Variants in TDRD10 observed in about 807,000 individuals in gnomAD.
The protein encoded by TDRD10 is tudor domain containing 10, also known as tudor domain-containing protein 10.
TDRD10 carries 40 observed loss-of-function variants against 48.0 expected under a neutral mutation model. That is an observed-to-expected ratio of 0.83 (90% CI 0.65 to 1.09). TDRD10 has a LOEUF of 1.09. Ranked by LOEUF, TDRD10 falls within the 50% of genes least tolerant of loss-of-function variation. The probability of loss-of-function intolerance (pLI) is 0.00; values close to 1 mark genes in which losing one functional copy is unlikely to be tolerated. For missense variants in TDRD10, 378 were observed against 434.7 expected, an observed-to-expected ratio of 0.87 and a Z score of 1.16; for synonymous variants, 162 against 170.4, an observed-to-expected ratio of 0.95 and a Z score of 0.38.
At chr1:154,522,917 T>G (rs1193792424) in intron 6 of TDRD10, among the ~76,000 whole-genome samples, 2 of 152,152 alleles carry the variant, frequency 1.3e-5, no homozygotes, top group Non-Finnish European at 1.5e-5. Flanking sequence ...TCCTGGACCA[T>G]TGTATCTTTT....
intron 6 of TDRD10, among the ~76,000 whole-genome samples, chr1:154,538,596 G>A (rs1373587401): frequency 1.4e-5 from 2 of 144,900 alleles, no homozygotes; most frequent in African/African-American, 2.5e-5. Context: ...GCTCATGCCT[G>A]TAATCCCAGC....
At chr1:154,533,971 C>G (rs1201345326) in intron 6 of TDRD10, among the ~76,000 whole-genome samples, 1 of 151,658 alleles carries the variant, frequency 6.6e-6, no homozygotes, top group African/African-American at 2.4e-5. Flanking sequence ...TCCTGGCAAG[C>G]AATCCTCGTG....
intron 6 of TDRD10, among the ~76,000 whole-genome samples, chr1:154,536,144 G>A (rs143949584): frequency 0.013 from 1,914 of 152,286 alleles, 39 homozygotes; most frequent in African/African-American, 0.044. Context: ...TTGGGAGGCC[G>A]AGGTGGGTGG....
At chr1:154,545,924 C>G (rs1695534502) in intron 11 of TDRD10, among the ~76,000 whole-genome samples, 1 of 134,768 alleles carries the variant, frequency 7.4e-6, no homozygotes, top group Non-Finnish European at 1.6e-5. Context: ...CCACACCCAG[C>G]TAATTTTTTT....
intron 6 of TDRD10, among the ~76,000 whole-genome samples, chr1:154,526,892 A>AT (rs61313171): frequency 2.7e-5 from 4 of 150,332 alleles, no homozygotes; most frequent in South Asian, 2.1e-4. Flanking sequence ...CCTGGCCTGA[A>AT]TTTTTTTTTT....
chr1:154,515,621 C>A (rs1303531586), intron 4 of TDRD10, among the ~76,000 whole-genome samples: 1 of 152,228 alleles, frequency 6.6e-6, no homozygotes, highest in Non-Finnish European at 1.5e-5. Context: ...CCCGGCTCTT[C>A]TCCCTCAGTT....
At chr1:154,542,871 C>T in intron 8 of TDRD10, 50 bp downstream of exon 8, 1 of 1,476,180 alleles carries the variant, frequency 6.8e-7, no homozygotes, top group African/African-American at 1.4e-5. Flanking sequence ...TTACAGACAT[C>T]CTCTGTCCCC....
intron 11 of TDRD10, among the ~76,000 whole-genome samples, chr1:154,546,016 G>T (rs1204370815): frequency 1.5e-5 from 2 of 129,228 alleles, no homozygotes; most frequent in East Asian, 4.9e-4. Context: ...CTCGTGATCC[G>T]CCCACCTCGG....
chr1:154,526,995 C>A (rs540951461), intron 6 of TDRD10, among the ~76,000 whole-genome samples: 1 of 152,022 alleles, frequency 6.6e-6, no homozygotes, highest in Non-Finnish European at 1.5e-5. Context: ...CTGCAACCTC[C>A]GCCTTCTGGG....
chr1:154,542,241 T>C (rs115549993), intron 7 of TDRD10, among the ~76,000 whole-genome samples, 175 bp downstream of exon 7: 2,387 of 152,234 alleles, frequency 0.016, 55 homozygotes, highest in African/African-American at 0.054. Flanking sequence ...TTTCATTTTT[T>C]CTTTGAGACA....
intron 6 of TDRD10, among the ~76,000 whole-genome samples, chr1:154,524,642 C>A (rs929924211): frequency 6.6e-6 from 1 of 152,070 alleles, no homozygotes; most frequent in African/African-American, 2.4e-5. Flanking sequence ...TTGGAATGTT[C>A]CATTGTGAGT....
chr1:154,523,011 G>T (rs750888565), intron 6 of TDRD10, among the ~76,000 whole-genome samples: 2 of 152,078 alleles, frequency 1.3e-5, no homozygotes, highest in African/African-American at 2.4e-5. Flanking sequence ...TGCCTCCTGG[G>T]TTCAAGGGAT....
chr1:154,516,912 A>C (rs568541507), intron 4 of TDRD10, among the ~76,000 whole-genome samples: 2 of 152,222 alleles, frequency 1.3e-5, no homozygotes, highest in East Asian at 1.9e-4. Context: ...ATGCCACTGC[A>C]CTCCAGCCTG....
intron 11 of TDRD10, among the ~76,000 whole-genome samples, chr1:154,546,464 A>T (rs896609520): frequency 6.9e-6 from 1 of 144,684 alleles, no homozygotes; most frequent in Non-Finnish European, 1.5e-5. Flanking sequence ...TATATTATGT[A>T]ACATATATAA....
intron 4 of TDRD10, among the ~76,000 whole-genome samples, chr1:154,517,223 T>C (rs1371973953): frequency 6.6e-6 from 1 of 152,174 alleles, no homozygotes; most frequent in Admixed American, 6.5e-5. Flanking sequence ...GCTGGGCAGG[T>C]GGTTGTTGAT....
chr1:154,514,795 C>T (rs968388881), intron 4 of TDRD10, among the ~76,000 whole-genome samples: 5 of 152,018 alleles, frequency 3.3e-5, no homozygotes, highest in African/African-American at 1.2e-4. Context: ...CCAAGCAAGC[C>T]CCCTATCTCG....
intron 8 of TDRD10, among the ~76,000 whole-genome samples, chr1:154,543,680 C>T (rs1311717041): frequency 6.6e-6 from 1 of 152,154 alleles, no homozygotes; most frequent in East Asian, 1.9e-4. Flanking sequence ...CCACCTCTCT[C>T]GGAGTTTCTC....
At chr1:154,543,046 T>C (rs1232467607) in intron 8 of TDRD10, among the ~76,000 whole-genome samples, 1 of 152,020 alleles carries the variant, frequency 6.6e-6, no homozygotes, top group Non-Finnish European at 1.5e-5. Context: ...GAGGCCAAAG[T>C]GGGTGGATCA....
chr1:154,542,210 C>G (rs1695280411), intron 7 of TDRD10, 144 bp downstream of exon 7: 13 of 794,290 alleles, frequency 1.6e-5, no homozygotes, highest in Non-Finnish European at 2.4e-5. Context: ...CTTTCTTCCT[C>G]TAGGATGCTT....
Sources: gnomAD v4.1 joint callset for allele counts (sites outside exome capture counted in the v4.1 genomes callset) on GRCh38, gnomAD v4.1.1 for gene constraint, MANE v1.5 for transcripts, NCBI Gene and HGNC (gene_info 2026-07-23, HGNC 2026-07-21) for gene names.